Variants in STXBP4 observed in about 807,000 individuals in gnomAD.
The protein encoded by STXBP4 is syntaxin binding protein 4.
A neutral mutation model predicts 76.1 loss-of-function variants in STXBP4; 55 were observed. The ratio of observed to expected loss-of-function variants is 0.72; its 90% CI spans 0.58 to 0.91. The LOEUF is 0.91. Among genes scored for constraint, STXBP4 ranks in the 40% least tolerant of loss-of-function variants. The pLI is 0.00. For synonymous variants in STXBP4, 201 were observed against 220.2 expected, an observed-to-expected ratio of 0.91 and a Z score of 0.77; for missense variants, 618 against 636.9, an observed-to-expected ratio of 0.97 and a Z score of 0.32.
At chr17:55,125,655 G>T (rs755017505) in intron 16 of STXBP4, among the ~76,000 whole-genome samples, 2 of 152,050 alleles carry the variant, frequency 1.3e-5, no homozygotes, top group Admixed American at 6.6e-5. Flanking sequence ...AAGGCAACAA[G>T]GTACCCTGGG....
intron 8 of STXBP4, among the ~76,000 whole-genome samples, chr17:55,018,610 A>G (rs751841168): frequency 1.3e-5 from 2 of 152,224 alleles, no homozygotes; most frequent in Non-Finnish European, 2.9e-5. Context: ...CTGGGTGCAA[A>G]CAGGCTGAGT....
intron 16 of STXBP4, among the ~76,000 whole-genome samples, chr17:55,097,297 T>G (rs1263325647): frequency 6.6e-6 from 1 of 152,164 alleles, no homozygotes; most frequent in Non-Finnish European, 1.5e-5. Flanking sequence ...TTTGCCCCAT[T>G]TATAAAATGG....
chr17:54,989,208 C>T (rs1162330582), intron 3 of STXBP4, among the ~76,000 whole-genome samples: 3 of 152,122 alleles, frequency 2.0e-5, no homozygotes, highest in Non-Finnish European at 2.9e-5. Flanking sequence ...CCCGGGTTCA[C>T]GCCATTCTCC....
the STXBP4 span, among the ~76,000 whole-genome samples, chr17:55,183,461 A>G: frequency 6.6e-6 from 1 of 152,094 alleles, no homozygotes; most frequent in Non-Finnish European, 1.5e-5. Context: ...GAAACAAGAA[A>G]TATGTACATA....
intron 7 of STXBP4, 113 bp from the exon 8 acceptor site, chr17:55,007,393 A>G (rs2078029702): frequency 1.0e-5 from 8 of 770,296 alleles, no homozygotes; most frequent in Admixed American, 2.4e-5. Context: ...AAAAGCTGCT[A>G]ACTGATTAGC....
chr17:55,126,609 T>A (rs1418041225), intron 16 of STXBP4, among the ~76,000 whole-genome samples: 1 of 152,204 alleles, frequency 6.6e-6, no homozygotes, highest in African/African-American at 2.4e-5. Flanking sequence ...CATTTCATTG[T>A]AAGCAAATTT....
chr17:54,974,589 A>C (rs565385924), intron 1 of STXBP4, among the ~76,000 whole-genome samples: 9 of 152,388 alleles, frequency 5.9e-5, no homozygotes, highest in Non-Finnish European at 8.8e-5. Context: ...TGACCTGTGC[A>C]GTCACACAAG....
chr17:55,115,578 T>A (rs2079771183), intron 16 of STXBP4, among the ~76,000 whole-genome samples: 1 of 151,878 alleles, frequency 6.6e-6, no homozygotes, highest in Non-Finnish European at 1.5e-5. Context: ...TTTTCTGAAT[T>A]TTTAACTATA....
chr17:55,116,519 T>C (rs781548156), intron 16 of STXBP4, among the ~76,000 whole-genome samples: 4 of 151,810 alleles, frequency 2.6e-5, no homozygotes, highest in Non-Finnish European at 4.4e-5. Context: ...ATTTCCAGAT[T>C]AAAGATTTCA....
At chr17:55,083,713 A>G (rs1442318243) in intron 16 of STXBP4, among the ~76,000 whole-genome samples, 5 of 152,088 alleles carry the variant, frequency 3.3e-5, no homozygotes, top group African/African-American at 9.7e-5. Context: ...ACACCTACCT[A>G]TATTTGGCCT....
chr17:55,111,043 AC>A (rs2079707418), intron 16 of STXBP4, among the ~76,000 whole-genome samples: 1 of 152,196 alleles, frequency 6.6e-6, no homozygotes, highest in Admixed American at 6.5e-5. Flanking sequence ...AAGCTTTAAC[AC>A]TGGTATAGAT....
intron 1 of STXBP4, among the ~76,000 whole-genome samples, chr17:54,969,274 G>C (rs2077347700): frequency 6.6e-6 from 1 of 152,232 alleles, no homozygotes; most frequent in African/African-American, 2.4e-5. Flanking sequence ...CAGGATAGGA[G>C]GGCCATTTAA....
chr17:55,036,651 A>G (rs2078609121), intron 10 of STXBP4, among the ~76,000 whole-genome samples: 1 of 151,824 alleles, frequency 6.6e-6, no homozygotes, highest in Non-Finnish European at 1.5e-5. Flanking sequence ...TTTCAGATAT[A>G]CTTTTAAATA....
At chr17:55,083,229 G>A (rs2079279426) in intron 16 of STXBP4, among the ~76,000 whole-genome samples, 1 of 152,012 alleles carries the variant, frequency 6.6e-6, no homozygotes, top group South Asian at 2.1e-4. Context: ...ACCCACCTCA[G>A]CCTCACAAAG....
At chr17:55,075,624 A>G (rs2079173021) in intron 13 of STXBP4, among the ~76,000 whole-genome samples, 1 of 151,962 alleles carries the variant, frequency 6.6e-6, no homozygotes, top group Non-Finnish European at 1.5e-5. Context: ...ACTAATTTGT[A>G]CTCCCACCAG....
chr17:55,031,782 C>T (rs2078513607), intron 9 of STXBP4, among the ~76,000 whole-genome samples: 1 of 152,156 alleles, frequency 6.6e-6, no homozygotes, highest in Non-Finnish European at 1.5e-5. Flanking sequence ...AGTTTACCCT[C>T]CACATATGTG....
At chr17:55,083,760 A>G (rs1448946659) in intron 16 of STXBP4, among the ~76,000 whole-genome samples, 1 of 152,120 alleles carries the variant, frequency 6.6e-6, no homozygotes, top group African/African-American at 2.4e-5. Context: ...TGAATTTCTT[A>G]TGTGGTGGCT....
the STXBP4 span, among the ~76,000 whole-genome samples, chr17:55,210,138 C>A: frequency 6.6e-6 from 1 of 152,154 alleles, no homozygotes; most frequent in Non-Finnish European, 1.5e-5. Flanking sequence ...CCAAGCAGGA[C>A]CCCCTGCATC....
At chr17:55,071,764 C>T (rs2079122564) in intron 12 of STXBP4, among the ~76,000 whole-genome samples, 1 of 152,184 alleles carries the variant, frequency 6.6e-6, no homozygotes, top group Non-Finnish European at 1.5e-5. Context: ...ACCCTCCCAG[C>T]ACTTCAAATG....
Sources: gnomAD v4.1 joint callset for allele counts (sites outside exome capture counted in the v4.1 genomes callset) on GRCh38, gnomAD v4.1.1 for gene constraint, MANE v1.5 for transcripts, NCBI Gene and HGNC (gene_info 2026-07-23, HGNC 2026-07-21) for gene names.